PLCE1: variants seen among roughly 807,000 people sequenced by gnomAD.
PLCE1 encodes the protein 1-phosphatidylinositol 4,5-bisphosphate phosphodiesterase epsilon-1.
A neutral mutation model predicts 242.8 loss-of-function variants in PLCE1; 119 were observed. That is an observed-to-expected ratio of 0.49 (90% CI 0.42 to 0.57). PLCE1 has a LOEUF of 0.57. Ranked by LOEUF, PLCE1 falls within the 20% of genes least tolerant of loss-of-function variation. The pLI is 0.00. For synonymous variants in PLCE1, 945 were observed against 1,017.4 expected (o/e 0.93, Z 1.35); for missense variants, 2,441 against 2,788.8 (o/e 0.88, Z 2.81).
intron 4 of PLCE1, among the ~76,000 whole-genome samples, chr10:94,220,938 C>G (rs572025908): frequency 6.6e-6 from 1 of 152,290 alleles, no homozygotes; most frequent in Admixed American, 6.5e-5. Context: ...CGTGCTGCCT[C>G]CCTCCAGCTT....
intron 23 of PLCE1, among the ~76,000 whole-genome samples, chr10:94,294,909 CTTTTTTTTTTTTTTTT>C (rs766555881): frequency 2.0e-5 from 2 of 101,494 alleles, no homozygotes; most frequent in East Asian, 7.8e-4. Flanking sequence ...CATGATAGAA[CTTTTTTTTTTTTTTTT>C]TTTTTTTTGA....
At chr10:94,281,082 A>G (rs2052195795) in intron 20 of PLCE1, among the ~76,000 whole-genome samples, 1 of 152,240 alleles carries the variant, frequency 6.6e-6, no homozygotes, top group South Asian at 2.1e-4. Flanking sequence ...AAAGGAGTCA[A>G]GACAATTTCT....
rs12766693 is a variant in PLCE1, at chr10:94,298,973, C to T, written c.5458+304C>T. Among the ~76,000 whole-genome samples the T allele has an allele frequency of 0.17, 25,539 of 152,096 alleles. 2,241 individuals are homozygous for T. The highest frequency in any genetic ancestry group is 0.3 in the Middle Eastern group (89 of 294). ...AGCCATGCCCGGTTTATGTTTAAAG[C>T]TCTTTTTGGAGCAGGGATTTCCTAA... On this transcript the variant is annotated intron_variant, in intron 24 of 32. Transcript: ENST00000371380. The surrounding 1 kb of genome is among the most constrained non-coding windows in gnomAD (Gnocchi z 5.2).
intron 4 of PLCE1, among the ~76,000 whole-genome samples, chr10:94,179,512 GTTTTTTTT>G (rs1554877545): frequency 1.0e-4 from 2 of 19,398 alleles, no homozygotes; most frequent in South Asian, 4.7e-3. Context: ...TTTTAGTTTA[GTTTTTTTT>G]TTTTTTTTTT....
chr10:94,203,024 T>C (rs1292305344), intron 4 of PLCE1, among the ~76,000 whole-genome samples: 3 of 152,248 alleles, frequency 2.0e-5, no homozygotes, highest in Non-Finnish European at 4.4e-5. Flanking sequence ...TGAACACTTC[T>C]GCAAGCCAGC....
chr10:94,093,962 G>A, intron 2 of PLCE1, among the ~76,000 whole-genome samples: 1 of 50,904 alleles, frequency 2.0e-5, no homozygotes, highest in South Asian at 6.7e-4. Flanking sequence ...TTTTTTTTGA[G>A]ACGGAGTCTC....
intron 2 of PLCE1, among the ~76,000 whole-genome samples, chr10:94,055,377 C>T (rs1270929410): frequency 6.6e-6 from 1 of 151,150 alleles, no homozygotes; most frequent in Non-Finnish European, 1.5e-5. Context: ...GTGGTGCGAT[C>T]TCCACTCACT....
chr10:94,016,030 G>T (rs1435900548), intron 1 of PLCE1, among the ~76,000 whole-genome samples: 1 of 152,122 alleles, frequency 6.6e-6, no homozygotes, highest in East Asian at 1.9e-4. Flanking sequence ...GAGCAATCTG[G>T]AAGCCGCTAT....
At position 94,150,159 on chromosome 10, in the gene PLCE1, G is replaced by A. The variant is rs541034331; in HGVS notation, c.1492+17700G>A. ...CCGTGGAGGTCATATGGAAACATGC[G>A]GGCCTTCCACTACGGCCCCGCCGCT... On this transcript the variant is annotated intron_variant, in intron 3 of 32. Coordinates refer to ENST00000371380, the MANE Select transcript of PLCE1 (RefSeq NM_016341.4). Among the ~76,000 whole-genome samples the A allele has an allele frequency of 2.6e-5, 4 of 152,294 alleles. No homozygotes were observed. In the South Asian group the frequency reaches 6.2e-4, roughly 24 times the overall value.
chr10:94,320,336 A>G (rs562815342), intron 29 of PLCE1, among the ~76,000 whole-genome samples: 117 of 151,936 alleles, frequency 7.7e-4, no homozygotes, highest in Middle Eastern at 6.8e-3. Flanking sequence ...AAAAAAGTTA[A>G]AATAGATTAT....
intron 4 of PLCE1, among the ~76,000 whole-genome samples, chr10:94,188,396 A>G (rs1219532737): frequency 6.6e-6 from 1 of 152,186 alleles, no homozygotes; most frequent in African/African-American, 2.4e-5. Flanking sequence ...TTGTCAACTA[A>G]TGTGCACATT....
At chr10:94,194,533 ACT>A (rs1254906003) in intron 4 of PLCE1, among the ~76,000 whole-genome samples, 3 of 152,108 alleles carry the variant, frequency 2.0e-5, no homozygotes, top group African/African-American at 4.8e-5. Flanking sequence ...AGAGGCAAAG[ACT>A]CTGCACAATT....
chr10:94,265,927 A>C lies in PLCE1; in HGVS notation c.4250A>C (p.Lys1417Thr). The change falls in exon 16 of 33, where the codon AAA becomes ACA. Residue 1417 changes from lysine to threonine, a missense_variant. Transcript: ENST00000371380. ...HNTYLTGHQL[K>T]GESSVELYSQ... is the part of the protein sequence containing the mutation. ...ACCTACCTCACGGGCCATCAGCTCAAAGGAGAATCCTCGGTAGAACTCTAC... is the reference window on the plus strand; with the variant it reads ...ACCTACCTCACGGGCCATCAGCTCACAGGAGAATCCTCGGTAGAACTCTAC... The C allele has an allele frequency of 4.3e-6, 7 of 1,614,082 alleles. No individual in the cohort carries two copies. Among genetic ancestry groups the C allele is most frequent in the Non-Finnish European group, 5.9e-6 (7 of 1,179,954 alleles).
At chr10:94,022,295 C>A (rs535212410) in intron 1 of PLCE1, among the ~76,000 whole-genome samples, 2 of 151,888 alleles carry the variant, frequency 1.3e-5, no homozygotes, top group African/African-American at 2.4e-5. Context: ...ACAAGACCAC[C>A]ACTAACATAA....
At chr10:94,249,226 GA>G (rs1333402142) in intron 8 of PLCE1, among the ~76,000 whole-genome samples, 2 of 152,062 alleles carry the variant, frequency 1.3e-5, no homozygotes, top group Admixed American at 6.5e-5. Flanking sequence ...TCTTTCGAAA[GA>G]AAAAAGTTGG....
chr10:94,035,429 G>A (rs1488533626), intron 2 of PLCE1, among the ~76,000 whole-genome samples: 1 of 152,092 alleles, frequency 6.6e-6, no homozygotes, highest in Non-Finnish European at 1.5e-5. Flanking sequence ...TCAAAGGCCT[G>A]GGATGGTTAA....
At chr10:94,277,284 A>G in intron 19 of PLCE1, among the ~76,000 whole-genome samples, 1 of 152,126 alleles carries the variant, frequency 6.6e-6, no homozygotes, top group East Asian at 1.9e-4. Flanking sequence ...GGTACTGGGG[A>G]AACAGAGAAG....
At chr10:94,128,756 C>T (rs1046023502) in intron 2 of PLCE1, among the ~76,000 whole-genome samples, 3 of 152,046 alleles carry the variant, frequency 2.0e-5, no homozygotes, top group African/African-American at 4.8e-5. Context: ...TATCTACATC[C>T]GTATCTGTAT....
At position 94,298,329 on chromosome 10, in the gene PLCE1, TA is replaced by T. The variant is rs1484125539; in HGVS notation, c.5168-49del. ...GTTGTTCAGGTTTATCTTTCTAAAA[TA>T]TTTAAAGTTTTCTACACTAATCTGC... On this transcript the variant is annotated intron_variant, in intron 23 of 32. Transcript: ENST00000371380. The surrounding 1 kb of genome is among the most constrained non-coding windows in gnomAD (Gnocchi z 5.2). 3.9e-6 allele frequency: 6 copies of T among 1,541,570 alleles called. No individual in the cohort carries two copies. The highest frequency in any genetic ancestry group is 3.4e-5 in the Admixed American group (2 of 59,616).
Sources: gnomAD v4.1 joint callset for allele counts (sites outside exome capture counted in the v4.1 genomes callset) on GRCh38, gnomAD v4.1.1 for gene constraint, Gnocchi (gnomAD v3.1) non-coding constraint, MANE v1.5 for transcripts, NCBI Gene and HGNC (gene_info 2026-07-23, HGNC 2026-07-21) for gene names.